The following MYO5B variants were observed in gnomAD, a reference collection of about 807,000 sequenced individuals.
The protein encoded by MYO5B is myosin VB.
MYO5B carries 143 observed loss-of-function variants against 229.3 expected under a neutral mutation model. The observed-to-expected ratio is 0.62, with a 90% CI of 0.54 to 0.72. The LOEUF (loss-of-function observed/expected upper bound fraction) is 0.72. Among genes scored for constraint, MYO5B ranks in the 30% least tolerant of loss-of-function variants. The pLI, the probability that MYO5B is intolerant of heterozygous loss-of-function variation, is 0.00. For synonymous variants in MYO5B, 918 were observed against 885.2 expected, an observed-to-expected ratio of 1.04 and a Z score of -0.66; for missense variants, 2,321 against 2,331.0, an observed-to-expected ratio of 1.00 and a Z score of 0.09.
At chr18:49,857,281 G>A (rs1464998990) in intron 29 of MYO5B, among the ~76,000 whole-genome samples, 1 of 152,230 alleles carries the variant, frequency 6.6e-6, no homozygotes, top group Non-Finnish European at 1.5e-5. Flanking sequence ...CAATCAGATT[G>A]ATTCAGACAA....
At chr18:49,850,790 C>T (rs1397352588) in intron 31 of MYO5B, 1 of 152,696 alleles carries the variant, frequency 6.5e-6, no homozygotes, top group Non-Finnish European at 1.5e-5. Context: ...GGCTCCCCAG[C>T]TCCGCTGCAC....
intron 21 of MYO5B, among the ~76,000 whole-genome samples, chr18:49,895,838 C>A (rs1364578251): frequency 6.6e-6 from 1 of 152,216 alleles, no homozygotes; most frequent in African/African-American, 2.4e-5. Flanking sequence ...AAACAGCCCC[C>A]ATGGGCCCAG....
At chr18:50,067,582 T>C (rs1598994940) in intron 1 of MYO5B, among the ~76,000 whole-genome samples, 1 of 152,336 alleles carries the variant, frequency 6.6e-6, no homozygotes, top group East Asian at 1.9e-4. Flanking sequence ...AATAGATTAA[T>C]GCCCTCCAGG....
intron 4 of MYO5B, among the ~76,000 whole-genome samples, chr18:50,024,881 G>C (rs1457679958): frequency 1.3e-5 from 2 of 152,152 alleles, no homozygotes; most frequent in South Asian, 4.1e-4. Context: ...TAAGAGCTTT[G>C]GGGAGTTCCT....
intron 3 of MYO5B, among the ~76,000 whole-genome samples, chr18:50,038,740 G>A (rs1165517297): frequency 6.6e-6 from 1 of 152,198 alleles, no homozygotes; most frequent in Non-Finnish European, 1.5e-5. Flanking sequence ...GGATAAATAT[G>A]TACAGACACT....
intron 4 of MYO5B, among the ~76,000 whole-genome samples, chr18:50,002,796 TC>T (rs1223624665): frequency 1.3e-5 from 2 of 152,134 alleles, no homozygotes; most frequent in Non-Finnish European, 2.9e-5. Flanking sequence ...CTAACTCCCT[TC>T]TTTTCCATAT....
At chr18:50,029,280 A>C (rs1425864728) in intron 4 of MYO5B, among the ~76,000 whole-genome samples, 1 of 152,190 alleles carries the variant, frequency 6.6e-6, no homozygotes, top group East Asian at 1.9e-4. Context: ...GACCCAGGTG[A>C]GCAGGGAAGA....
intron 29 of MYO5B, among the ~76,000 whole-genome samples, chr18:49,859,865 A>G (rs989644434): frequency 3.3e-5 from 5 of 152,238 alleles, no homozygotes; most frequent in African/African-American, 1.2e-4. Flanking sequence ...GGCAGCCCAC[A>G]GCAGCCGAGG....
At chr18:50,130,507 T>C (rs2032238640) in intron 1 of MYO5B, among the ~76,000 whole-genome samples, 1 of 152,136 alleles carries the variant, frequency 6.6e-6, no homozygotes, top group South Asian at 2.1e-4. Context: ...TCTAGGAAGG[T>C]CTTCCTGGGC....
chr18:49,938,003 C>T (rs1024720973), intron 14 of MYO5B, among the ~76,000 whole-genome samples: 5 of 152,118 alleles, frequency 3.3e-5, no homozygotes, highest in African/African-American at 1.2e-4. Context: ...GTATGAATGA[C>T]AATTCAATTT....
chr18:50,068,642 G>C (rs989463618), intron 1 of MYO5B, among the ~76,000 whole-genome samples: 1 of 152,242 alleles, frequency 6.6e-6, no homozygotes, highest in Non-Finnish European at 1.5e-5. Flanking sequence ...GGATGACTGA[G>C]AATATGGAGC....
At chr18:49,857,418 TG>T (rs1188901036) in intron 29 of MYO5B, among the ~76,000 whole-genome samples, 6 of 152,118 alleles carry the variant, frequency 3.9e-5, no homozygotes, top group Non-Finnish European at 7.4e-5. Context: ...GGGAAGCCCC[TG>T]GGGGACGTCA....
At chr18:50,103,519 G>A (rs1352931530) in intron 1 of MYO5B, among the ~76,000 whole-genome samples, 1 of 152,166 alleles carries the variant, frequency 6.6e-6, no homozygotes, top group African/African-American at 2.4e-5. Flanking sequence ...GGAGGCCAAG[G>A]TGGAAGGATC....
At chr18:50,168,823 T>C (rs2032889732) in intron 1 of MYO5B, among the ~76,000 whole-genome samples, 1 of 128,340 alleles carries the variant, frequency 7.8e-6, no homozygotes, top group Non-Finnish European at 1.7e-5. Flanking sequence ...TGAACTTTCA[T>C]AAATTCACAT....
At chr18:49,965,338 G>A (rs537363372) in intron 10 of MYO5B, among the ~76,000 whole-genome samples, 25 of 152,248 alleles carry the variant, frequency 1.6e-4, no homozygotes, top group African/African-American at 6.0e-4. Flanking sequence ...CACCTTATAT[G>A]CTCCACAGCA....
intron 39 of MYO5B, among the ~76,000 whole-genome samples, chr18:49,828,536 C>G (rs551683730): frequency 6.6e-6 from 1 of 152,134 alleles, no homozygotes; most frequent in African/African-American, 2.4e-5. Flanking sequence ...GATAGAAGAT[C>G]AATAAGAAAA....
chr18:50,021,551 A>G (rs2026274953), intron 4 of MYO5B, among the ~76,000 whole-genome samples: 1 of 152,094 alleles, frequency 6.6e-6, no homozygotes, highest in Admixed American at 6.5e-5. Context: ...AAGGCAGTAT[A>G]ATGTGAGTTA....
At chr18:49,943,892 G>T (rs1423583937) in intron 14 of MYO5B, among the ~76,000 whole-genome samples, 3 of 152,174 alleles carry the variant, frequency 2.0e-5, no homozygotes, top group African/African-American at 7.2e-5. Context: ...GATTCTCTTA[G>T]GGAGGGAAGT....
At position 50,116,900 on chromosome 18, in the gene MYO5B, C is replaced by A. The variant is rs530620602; in HGVS notation, c.28-61522G>T. On this transcript the variant is annotated intron_variant, in intron 1 of 39. Transcript: ENST00000285039. ...ACACACAACATCAACAATGAAGAAT[C>A]AGCATCTGTGATGTCATTTAGCTAT... 5.9e-4 allele frequency among the ~76,000 whole-genome samples: 90 copies of A among 151,618 alleles called. 2 individuals carry two copies. Among genetic ancestry groups the A allele is most frequent in the Non-Finnish European group, 1.6e-4 (11 of 67,922 alleles).
Sources: gnomAD v4.1 joint callset for allele counts (sites outside exome capture counted in the v4.1 genomes callset) on GRCh38, gnomAD v4.1.1 for gene constraint, MANE v1.5 for transcripts, NCBI Gene and HGNC (gene_info 2026-07-23, HGNC 2026-07-21) for gene names.